MDFIC: variants seen among roughly 807,000 people sequenced by gnomAD.
MDFIC encodes MyoD family inhibitor domain containing.
MDFIC carries 17 observed loss-of-function variants against 23.2 expected under a neutral mutation model. That is an observed-to-expected ratio of 0.73 (90% CI 0.50 to 1.10). The LOEUF is 1.10. MDFIC is among the 50% of genes least tolerant of loss of function. The pLI, the probability that MDFIC is intolerant of heterozygous loss-of-function variation, is 0.00. For missense variants in MDFIC, 356 were observed against 316.6 expected (o/e 1.12, Z -0.95); for synonymous variants, 120 against 115.2 (o/e 1.04, Z -0.27).
chr7:114,998,819 G>GA (rs1425076022), intron 4 of MDFIC, among the ~76,000 whole-genome samples: 2 of 152,060 alleles, frequency 1.3e-5, no homozygotes, highest in African/African-American at 4.8e-5. Flanking sequence ...AATATTGGGG[G>GA]AAAATTAATT....
chr7:114,989,409 C>T (rs954883687), intron 4 of MDFIC, among the ~76,000 whole-genome samples: 2 of 151,958 alleles, frequency 1.3e-5, no homozygotes, highest in African/African-American at 4.8e-5. Flanking sequence ...GGCAGAAGTG[C>T]AAGTCCAGAA....
At chr7:115,001,594 A>G (rs1219353716) in intron 4 of MDFIC, among the ~76,000 whole-genome samples, 2 of 152,174 alleles carry the variant, frequency 1.3e-5, no homozygotes, top group Non-Finnish European at 2.9e-5. Context: ...AGCCATCATT[A>G]CCTTAGGACA....
At chr7:114,982,568 A>C (rs554548381) in intron 4 of MDFIC, among the ~76,000 whole-genome samples, 2 of 151,988 alleles carry the variant, frequency 1.3e-5, no homozygotes, top group Non-Finnish European at 2.9e-5. Flanking sequence ...AGTGGCATGC[A>C]CCTGTAGTCT....
chr7:115,003,772 C>G (rs1791511045), intron 4 of MDFIC, among the ~76,000 whole-genome samples: 1 of 152,160 alleles, frequency 6.6e-6, no homozygotes, highest in Admixed American at 6.5e-5. Context: ...CTAACATATG[C>G]TTCTTCTTTA....
Position 115,016,100 on chromosome 7 carries a change from A to G in MDFIC, c.*165A>G, listed in dbSNP as rs1402514161. ...GCCTTTTTACTTTAACCAAATCTAC[A>G]TGGTTTAATATGTGAAATTTTAACT... On this transcript the variant is annotated 3_prime_UTR_variant, in exon 5 of 5. Transcript: ENST00000393486. The G allele has an allele frequency of 1.3e-5, 8 of 638,364 alleles. No homozygotes were observed. The highest frequency in any genetic ancestry group is 2.9e-5 in the East Asian group (1 of 35,086). 39.5% of individuals were successfully genotyped at this position (638,364 alleles called of 1,614,324 possible).
chr7:114,988,344 CT>C (rs1793548329), intron 4 of MDFIC, among the ~76,000 whole-genome samples: 1 of 152,128 alleles, frequency 6.6e-6, no homozygotes, highest in South Asian at 2.1e-4. Flanking sequence ...TATGACTCTA[CT>C]AATGCACCAA....
intron 4 of MDFIC, among the ~76,000 whole-genome samples, chr7:114,983,077 C>T (rs139166211): frequency 2.0e-5 from 3 of 152,326 alleles, no homozygotes; most frequent in Admixed American, 2.0e-4. Context: ...ACATTCAAAC[C>T]ATAGTACAAG....
At chr7:114,962,013 T>C (rs1242517600) in intron 3 of MDFIC, among the ~76,000 whole-genome samples, 1 of 152,204 alleles carries the variant, frequency 6.6e-6, no homozygotes, top group Non-Finnish European at 1.5e-5. Flanking sequence ...TGTTGATAAA[T>C]ATTATTTAGA....
chr7:114,972,404 A>T (rs1218805967), intron 3 of MDFIC, among the ~76,000 whole-genome samples: 3 of 151,936 alleles, frequency 2.0e-5, no homozygotes, highest in African/African-American at 7.3e-5. Flanking sequence ...ACCCCACTCT[A>T]CCACCCCCTT....
intron 3 of MDFIC, among the ~76,000 whole-genome samples, chr7:114,961,015 G>A (rs1195178978): frequency 6.6e-6 from 1 of 152,150 alleles, no homozygotes; most frequent in African/African-American, 2.4e-5. Context: ...AAGGCTCTTG[G>A]AAGATGGGAT....
intron 3 of MDFIC, among the ~76,000 whole-genome samples, chr7:114,971,953 T>A (rs1248804175): frequency 6.6e-6 from 1 of 151,866 alleles, no homozygotes; most frequent in African/African-American, 2.4e-5. Context: ...AAAAAGTTAA[T>A]AACACAGAAT....
At chr7:114,972,352 G>A (rs1159931620) in intron 3 of MDFIC, among the ~76,000 whole-genome samples, 1 of 152,034 alleles carries the variant, frequency 6.6e-6, no homozygotes, top group Non-Finnish European at 1.5e-5. Flanking sequence ...GCCGGGGACC[G>A]ACCTGGTTTA....
intron 3 of MDFIC, among the ~76,000 whole-genome samples, chr7:114,951,763 C>T (rs528704803): frequency 4.7e-4 from 72 of 152,078 alleles, no homozygotes; most frequent in African/African-American, 1.6e-3. Context: ...TGGGGTACCA[C>T]CTCTTTAAAG....
rs919840604 is a variant in MDFIC, at chr7:114,922,138, G to A, written c.-606G>A. 3.0e-6 allele frequency: 1 copy of A among 333,526 alleles called. No individual in the cohort carries two copies. The highest frequency in any genetic ancestry group is 4.9e-5 in the Admixed American group (1 of 20,458). The allele number at this position is 333,526 out of a possible 1,614,324, so 20.7% of individuals were successfully genotyped here. On this transcript the variant is annotated 5_prime_UTR_variant, in exon 1 of 5. Transcript: ENST00000393486. ...CCCCGGGAGGGCGCAGCGCCCGGGT[G>A]GGGAGCCCGAGCCAGCCCAGGCCGG...
At chr7:114,991,002 T>C (rs200398385) in intron 4 of MDFIC, among the ~76,000 whole-genome samples, 64,350 of 149,698 alleles carry the variant, frequency 0.43, 14,391 homozygotes, top group Admixed American at 0.57. Flanking sequence ...ACATCCTCTC[T>C]AGCACCTGTT....
intron 3 of MDFIC, among the ~76,000 whole-genome samples, chr7:114,970,582 A>G (rs1189782049): frequency 6.6e-6 from 1 of 152,064 alleles, no homozygotes; most frequent in Non-Finnish European, 1.5e-5. Context: ...GCAAGTGGTG[A>G]GGCTTGACCT....
Position 115,015,671 on chromosome 7 carries a change from C to G in MDFIC, c.494-17C>G. ...CCTTTTTCTCACTATATGGTCTCCT[C>G]ATCACTGAAAATGAAGATTGTTGTG... On this transcript the variant is annotated splice_polypyrimidine_tract_variant and intron_variant, in intron 4 of 4. Transcript: ENST00000393486. The G allele has an allele frequency of 6.2e-7, 1 of 1,612,718 alleles. No homozygotes were observed.
At chr7:114,926,760 G>A (rs953316844) in intron 2 of MDFIC, among the ~76,000 whole-genome samples, 4 of 152,192 alleles carry the variant, frequency 2.6e-5, no homozygotes, top group Non-Finnish European at 4.4e-5. Context: ...AAGCTTAGCT[G>A]AGTTGTCAGT....
At chr7:115,006,103 T>A (rs1040502100) in intron 4 of MDFIC, among the ~76,000 whole-genome samples, 2 of 152,138 alleles carry the variant, frequency 1.3e-5, no homozygotes, top group Admixed American at 1.3e-4. Context: ...TCCTCCTGCC[T>A]GTGTGAGGTC....
Sources: allele counts gnomAD v4.1 joint callset (sites outside exome capture counted in the v4.1 genomes callset), GRCh38; gene constraint gnomAD v4.1.1; transcripts MANE v1.5; gene names NCBI Gene and HGNC (gene_info 2026-07-23, HGNC 2026-07-21).